Variants in PTPRD observed in about 807,000 individuals in gnomAD.
The protein encoded by PTPRD is receptor-type tyrosine-protein phosphatase delta.
PTPRD carries 34 observed loss-of-function variants against 214.5 expected under a neutral mutation model. The ratio of observed to expected loss-of-function variants is 0.16; its 90% CI spans 0.12 to 0.21. The LOEUF is 0.21. Among genes scored for constraint, PTPRD ranks in the 10% least tolerant of loss-of-function variants. PTPRD has a pLI of 1.00. For synonymous variants in PTPRD, 1,128 were observed against 845.7 expected (o/e 1.33, Z -5.79); for missense variants, 2,545 against 2,398.7 (o/e 1.06, Z -1.27).
chr9:9,199,716 T>C (rs915335038), intron 9 of PTPRD, among the ~76,000 whole-genome samples: 8 of 152,166 alleles, frequency 5.3e-5, no homozygotes, highest in Non-Finnish European at 1.2e-4. Flanking sequence ...CAAGTCAATT[T>C]CCTAAATAAA....
At chr9:9,736,511 G>T (rs1054152011) in intron 6 of PTPRD, among the ~76,000 whole-genome samples, 1 of 152,024 alleles carries the variant, frequency 6.6e-6, no homozygotes, top group African/African-American at 2.4e-5. Context: ...TGTTAAGAGT[G>T]ACATTACTGG....
chr9:10,446,575 T>A (rs2098801501), intron 2 of PTPRD, among the ~76,000 whole-genome samples: 1 of 151,988 alleles, frequency 6.6e-6, no homozygotes, highest in African/African-American at 2.4e-5. Context: ...ATAAATGTGT[T>A]CTTTTCAAAC....
intron 11 of PTPRD, among the ~76,000 whole-genome samples, chr9:8,749,995 C>T (rs967049010): frequency 3.3e-5 from 5 of 151,606 alleles, no homozygotes; most frequent in South Asian, 4.2e-4. Context: ...CCCAGCTCCT[C>T]GGGAAGCTGA....
intron 12 of PTPRD, among the ~76,000 whole-genome samples, chr9:8,688,425 C>T (rs542788863): frequency 6.6e-6 from 1 of 151,780 alleles, no homozygotes; most frequent in Non-Finnish European, 1.5e-5. Flanking sequence ...ATTAGCCGGG[C>T]GTGGTGGTGG....
intron 12 of PTPRD, among the ~76,000 whole-genome samples, chr9:8,690,859 G>C (rs2097786946): frequency 1.3e-5 from 2 of 152,112 alleles, no homozygotes. Context: ...GAATATTCAA[G>C]TACCTAGACC....
chr9:9,114,188 G>T (rs143306372), intron 10 of PTPRD, among the ~76,000 whole-genome samples: 4 of 152,254 alleles, frequency 2.6e-5, no homozygotes, highest in Admixed American at 1.3e-4. Flanking sequence ...TGCCTTTAAG[G>T]TCTGATTCCA....
At chr9:8,652,128 T>C (rs2096825347) in intron 12 of PTPRD, among the ~76,000 whole-genome samples, 2 of 152,274 alleles carry the variant, frequency 1.3e-5, no homozygotes, top group South Asian at 4.1e-4. Context: ...GGGTATTAGG[T>C]AAGAAAACAA....
chr9:8,624,743 G>A (rs2095957096), intron 14 of PTPRD, among the ~76,000 whole-genome samples: 1 of 151,766 alleles, frequency 6.6e-6, no homozygotes, highest in South Asian at 2.1e-4. Context: ...CAGTTAGGAA[G>A]CACTGGAAGG....
intron 2 of PTPRD, among the ~76,000 whole-genome samples, chr9:10,474,928 G>C (rs2099053297): frequency 6.6e-6 from 1 of 152,098 alleles, no homozygotes; most frequent in Non-Finnish European, 1.5e-5. Flanking sequence ...GAAATTCTTT[G>C]AAAGCAATGA....
chr9:9,184,196 T>G (rs1393640633), intron 9 of PTPRD, among the ~76,000 whole-genome samples: 1 of 152,020 alleles, frequency 6.6e-6, no homozygotes, highest in African/African-American at 2.4e-5. Context: ...TCCTAGATGC[T>G]CCAACAAGCT....
At chr9:8,478,011 G>C (rs2096800233) in intron 30 of PTPRD, among the ~76,000 whole-genome samples, 1 of 152,184 alleles carries the variant, frequency 6.6e-6, no homozygotes, top group Non-Finnish European at 1.5e-5. Flanking sequence ...GATTACATCA[G>C]TTAATGTGTG....
intron 37 of PTPRD, among the ~76,000 whole-genome samples, chr9:8,381,282 T>C (rs529135316): frequency 2.6e-5 from 4 of 152,312 alleles, no homozygotes; most frequent in Middle Eastern, 6.8e-3. Flanking sequence ...AGGGAGACTA[T>C]AATAAAGGAA....
chr9:8,353,838 A>ATATATGTATATATGTGTATATG (rs2076190002), intron 39 of PTPRD, among the ~76,000 whole-genome samples: 1 of 46,660 alleles, frequency 2.1e-5, no homozygotes, highest in African/African-American at 5.8e-5. Context: ...ATATGTATAT[A>ATATATGTATATATGTGTATATG]TGTATATATG....
intron 4 of PTPRD, among the ~76,000 whole-genome samples, chr9:9,954,788 A>G (rs537037723): frequency 7.2e-5 from 11 of 152,266 alleles, no homozygotes; most frequent in Non-Finnish European, 1.3e-4. Context: ...ACAGTAATAG[A>G]TACAAGTAAC....
At chr9:9,790,854 T>C (rs12004395) in intron 5 of PTPRD, among the ~76,000 whole-genome samples, 6,186 of 140,708 alleles carry the variant, frequency 0.044, 424 homozygotes, top group African/African-American at 0.15. Context: ...TTTGAATAAA[T>C]GAATGGATCT....
intron 7 of PTPRD, among the ~76,000 whole-genome samples, chr9:9,641,242 T>C (rs942238711): frequency 2.0e-5 from 3 of 152,194 alleles, no homozygotes; most frequent in African/African-American, 7.2e-5. Context: ...CAAGGAAATA[T>C]CAGGTAATGA....
intron 3 of PTPRD, among the ~76,000 whole-genome samples, chr9:10,258,734 T>C: frequency 6.6e-6 from 1 of 151,398 alleles, no homozygotes; most frequent in South Asian, 2.1e-4. Flanking sequence ...CAGTCAGGTA[T>C]CGTTTTGTAT....
At chr9:10,150,306 A>ACACACCAC (rs1276473292) in intron 3 of PTPRD, among the ~76,000 whole-genome samples, 1 of 152,170 alleles carries the variant, frequency 6.6e-6, no homozygotes, top group Non-Finnish European at 1.5e-5. Context: ...TGTGGCACAT[A>ACACACCAC]CACACCACGG....
chr9:9,865,693 G>T (rs1362942410), intron 5 of PTPRD, among the ~76,000 whole-genome samples: 1 of 152,188 alleles, frequency 6.6e-6, no homozygotes, highest in Non-Finnish European at 1.5e-5. Context: ...AAGATCATCA[G>T]TTGGTTCTCT....
Sources: gnomAD v4.1 joint callset for allele counts (sites outside exome capture counted in the v4.1 genomes callset) on GRCh38, gnomAD v4.1.1 for gene constraint, MANE v1.5 for transcripts, NCBI Gene and HGNC (gene_info 2026-07-23, HGNC 2026-07-21) for gene names.